Variants in NEBL observed in about 807,000 individuals in gnomAD.
NEBL encodes the protein LIM and SH3 protein 2.
NEBL carries 122 observed loss-of-function variants against 140.2 expected under a neutral mutation model. The ratio of observed to expected loss-of-function variants is 0.87; its 90% CI spans 0.75 to 1.01. NEBL has a LOEUF of 1.01. Among genes scored for constraint, NEBL ranks in the 50% least tolerant of loss-of-function variants. NEBL has a pLI of 0.00. For missense variants in NEBL, 1,365 were observed against 1,231.3 expected, an observed-to-expected ratio of 1.11 and a Z score of -1.62; for synonymous variants, 436 against 398.9, an observed-to-expected ratio of 1.09 and a Z score of -1.11.
At chr10:20,931,204 C>T (rs1466447908) in intron 4 of NEBL, among the ~76,000 whole-genome samples, 2 of 152,168 alleles carry the variant, frequency 1.3e-5, no homozygotes, top group Non-Finnish European at 2.9e-5. Flanking sequence ...ATGACAAAGA[C>T]GCACCATAAT....
intron 5 of NEBL, among the ~76,000 whole-genome samples, chr10:20,870,717 T>C (rs981314005): frequency 4.6e-5 from 7 of 152,226 alleles, no homozygotes; most frequent in South Asian, 2.1e-4. Flanking sequence ...ATAAATATCA[T>C]TGGAATGACT....
intron 2 of NEBL, chr10:21,029,142 AG>A: frequency 7.6e-7 from 1 of 1,311,628 alleles, no homozygotes; most frequent in South Asian, 1.2e-5. Flanking sequence ...ATGACCTGGA[AG>A]GAGATGTTTC....
In NEBL at chr10:21,201,150, A is replaced by T. The variant is rs557866855; in HGVS notation, n.349-28673T>A. On this transcript the variant is annotated intron_variant and non_coding_transcript_variant, in intron 3 of 8. Coordinates refer to the NEBL transcript ENST00000675702. ...CAGAATTTTGTTTGCCATAACAAAA[A>T]GGACAATGCCAAAGCTGGGGTGCTA... is the stretch of plus-strand genomic sequence containing the variant. Among the ~76,000 whole-genome samples the T allele has an allele frequency of 1.1e-4, 16 of 152,314 alleles. 3 individuals are homozygous for T. The highest frequency in any genetic ancestry group is 3.8e-4 in the African/African-American group (16 of 41,578).
rs1251272497 is a variant in NEBL at position 20,808,496 on chromosome 10, T to G, written c.2761+14A>C. ...ATGAATCGATTTTCTTTGTAAGCAG[T>G]GAATGTTTGATACCTCCTTCATCAG... On this transcript the variant is annotated intron_variant, in intron 26 of 27. Transcript: ENST00000377122. The G allele has an allele frequency of 1.2e-6, 2 of 1,613,496 alleles. No individual in the cohort carries two copies. Among genetic ancestry groups the G allele is most frequent in the Non-Finnish European group, 1.7e-6 (2 of 1,179,520 alleles).
In NEBL at chr10:20,808,534, C is replaced by T. The variant is rs1564341986; in HGVS notation, c.2737G>A (p.Val913Ile). Residue 913 changes from valine to isoleucine, a missense_variant, in exon 26 of 28, where the codon GTA (valine) becomes ATA (isoleucine). Physicochemically the swap from Val to Ile is conservative, Grantham distance 29. This residue lies in a region of NEBL where 1,323 missense variants were observed against 1,154.8 expected (regional missense o/e 1.15). Coordinates refer to ENST00000377122, the MANE Select transcript of NEBL (RefSeq NM_006393.3). ...IYPSFSCCSE[V>I]TRPSDEGAPV... ...CCTCCTTCATCAGACGGTCTTGTTA[C>T]CTCACTGCAGCATGAAAAGCTAGGG... 2 of 1,613,896 alleles carry T rather than the reference C, an allele frequency of 1.2e-6. No individual in the cohort carries two copies. Among genetic ancestry groups the T allele is most frequent in the Non-Finnish European group, 8.5e-7 (1 of 1,179,890 alleles).
chr10:21,285,487 G>A (rs1454393191), intron 1 of NEBL, among the ~76,000 whole-genome samples: 45 of 152,140 alleles, frequency 3.0e-4, no homozygotes, highest in Non-Finnish European at 2.9e-5. Context: ...TTTCCAGACC[G>A]AATCAGAGTG....
At chr10:20,980,582 G>T (rs1195256201) in intron 3 of NEBL, among the ~76,000 whole-genome samples, 2 of 152,154 alleles carry the variant, frequency 1.3e-5, no homozygotes, top group African/African-American at 4.8e-5. Flanking sequence ...CCAGTAACCA[G>T]TGGCCTTACA....
chr10:20,925,761 G>A (rs920046739), intron 4 of NEBL, among the ~76,000 whole-genome samples: 2 of 150,644 alleles, frequency 1.3e-5, no homozygotes. Flanking sequence ...ACAATTTGGA[G>A]TAGAGGTCAG....
chr10:21,108,405 T>C (rs1193004414), intron 2 of NEBL, among the ~76,000 whole-genome samples: 1 of 152,204 alleles, frequency 6.6e-6, no homozygotes. Context: ...ATTTCTGCCT[T>C]CGTTTCATTA....
intron 2 of NEBL, among the ~76,000 whole-genome samples, chr10:21,034,623 T>C (rs1445420610): frequency 6.6e-6 from 1 of 152,212 alleles, no homozygotes; most frequent in Admixed American, 6.5e-5. Context: ...ATCATTGGCC[T>C]CCACTATGGA....
At chr10:21,052,427 C>T (rs1274690066) in intron 2 of NEBL, among the ~76,000 whole-genome samples, 2 of 152,010 alleles carry the variant, frequency 1.3e-5, no homozygotes, top group African/African-American at 4.8e-5. Context: ...AACAATAAGA[C>T]TCCGGAGAGC....
At chr10:20,856,042 C>T (rs1414745116) in intron 9 of NEBL, among the ~76,000 whole-genome samples, 1 of 152,096 alleles carries the variant, frequency 6.6e-6, no homozygotes, top group Admixed American at 6.5e-5. Context: ...CAAATGTATA[C>T]AGCTTTATAC....
intron 4 of NEBL, among the ~76,000 whole-genome samples, chr10:20,881,316 T>A (rs752009962): frequency 1.3e-5 from 2 of 152,244 alleles, no homozygotes; most frequent in Non-Finnish European, 1.5e-5. Flanking sequence ...TGATTTTATG[T>A]AGGCACAGCT....
chr10:21,085,347 T>A (rs560078890), intron 2 of NEBL, among the ~76,000 whole-genome samples: 80 of 152,236 alleles, frequency 5.3e-4, no homozygotes, highest in African/African-American at 1.9e-3. Context: ...GTAGGCCAAG[T>A]ATGGTGGCTC....
At chr10:21,073,566 T>C (rs1835916945) in intron 2 of NEBL, among the ~76,000 whole-genome samples, 1 of 133,618 alleles carries the variant, frequency 7.5e-6, no homozygotes, top group South Asian at 2.3e-4. Context: ...GCAGTGAGCC[T>C]AGAATGCACC....
intron 3 of NEBL, among the ~76,000 whole-genome samples, chr10:20,995,445 AG>A (rs1459809815): frequency 2.6e-5 from 4 of 152,138 alleles, no homozygotes; most frequent in Non-Finnish European, 5.9e-5. Flanking sequence ...ACAAGGAAAA[AG>A]GGTCCCTGAG....
chr10:21,175,684 T>C (rs1235370983), upstream of NEBL, among the ~76,000 whole-genome samples: 1 of 152,226 alleles, frequency 6.6e-6, no homozygotes, highest in Non-Finnish European at 1.5e-5. Flanking sequence ...CTCACTGCCA[T>C]GTTCACAAGT....
At chr10:21,152,691 A>G (rs1840190801) in intron 2 of NEBL, among the ~76,000 whole-genome samples, 1 of 152,154 alleles carries the variant, frequency 6.6e-6, no homozygotes, top group Non-Finnish European at 1.5e-5. Context: ...GTAATATTAT[A>G]CTTGGTTCAA....
At chr10:20,978,651 C>G (rs1325760176) in intron 3 of NEBL, among the ~76,000 whole-genome samples, 2 of 151,574 alleles carry the variant, frequency 1.3e-5, no homozygotes, top group African/African-American at 4.9e-5. Context: ...CCCAGCTACT[C>G]AGGAGGCTGA....
Sources: allele counts gnomAD v4.1 joint callset (sites outside exome capture counted in the v4.1 genomes callset), GRCh38; gene constraint gnomAD v4.1.1; regional missense constraint gnomAD v4.1.1; transcripts MANE v1.5; gene names NCBI Gene and HGNC (gene_info 2026-07-23, HGNC 2026-07-21).